The following CARMIL1 variants were observed in gnomAD, a reference collection of about 807,000 sequenced individuals.
CARMIL1 encodes capping protein regulator and myosin 1 linker 1.
CARMIL1 carries 90 observed loss-of-function variants against 177.1 expected under a neutral mutation model. That is an observed-to-expected ratio of 0.51 (90% confidence interval 0.43 to 0.61). The LOEUF is 0.61. Ranked by LOEUF, CARMIL1 falls within the 20% of genes least tolerant of loss-of-function variation. The probability of loss-of-function intolerance (pLI) is 0.00; values close to 1 mark genes in which losing one functional copy is unlikely to be tolerated. For synonymous variants in CARMIL1, 577 were observed against 606.2 expected, an observed-to-expected ratio of 0.95 and a Z score of 0.71; for missense variants, 1,380 against 1,667.0, an observed-to-expected ratio of 0.83 and a Z score of 3.00.
chr6:25,600,288 G>T (rs763426572), intron 32 of CARMIL1, 26 bp from the exon 33 acceptor site: 3 of 1,578,412 alleles, frequency 1.9e-6, no homozygotes, highest in Non-Finnish European at 2.6e-6. Context: ...AAAAACAACA[G>T]ATCTGTGTCT....
intron 2 of CARMIL1, among the ~76,000 whole-genome samples, chr6:25,376,817 A>G (rs1167603853): frequency 6.6e-6 from 1 of 152,208 alleles, no homozygotes; most frequent in Admixed American, 6.5e-5. Context: ...GGTAAATGCA[A>G]TACTCAGTGG....
At chr6:25,378,902 AC>A (rs1312525528) in intron 2 of CARMIL1, among the ~76,000 whole-genome samples, 2 of 151,208 alleles carry the variant, frequency 1.3e-5, no homozygotes, top group East Asian at 3.9e-4. Flanking sequence ...AAAAAAAAAA[AC>A]AGGTGTTATT....
chr6:25,308,564 A>G (rs1051625607), intron 2 of CARMIL1, among the ~76,000 whole-genome samples: 3 of 151,660 alleles, frequency 2.0e-5, no homozygotes, highest in Admixed American at 6.6e-5. Flanking sequence ...TGTATTTTTC[A>G]TAGAGATGGG....
intron 5 of CARMIL1, among the ~76,000 whole-genome samples, chr6:25,439,253 C>A (rs958605556): frequency 6.6e-6 from 1 of 152,180 alleles, no homozygotes; most frequent in African/African-American, 2.4e-5. Flanking sequence ...CTAGGACCTA[C>A]AAGACCTCCA....
At chr6:25,617,885 A>T (rs942027987) in intron 36 of CARMIL1, among the ~76,000 whole-genome samples, 2 of 152,220 alleles carry the variant, frequency 1.3e-5, no homozygotes, top group Non-Finnish European at 2.9e-5. Context: ...AGTTTGGGTG[A>T]CAGAGCAAGA....
intron 33 of CARMIL1, among the ~76,000 whole-genome samples, chr6:25,604,117 G>A (rs1196786026): frequency 1.3e-5 from 2 of 152,102 alleles, no homozygotes; most frequent in African/African-American, 4.8e-5. Flanking sequence ...TGTCACCCAG[G>A]CTGGAGTGCA....
At chr6:25,315,926 T>C (rs1215757162) in intron 2 of CARMIL1, among the ~76,000 whole-genome samples, 2 of 152,214 alleles carry the variant, frequency 1.3e-5, no homozygotes, top group African/African-American at 2.4e-5. Flanking sequence ...AACCAGGTCC[T>C]GTAGTCTAAC....
chr6:25,569,438 A>G (rs1476630778), intron 29 of CARMIL1, among the ~76,000 whole-genome samples: 1 of 152,206 alleles, frequency 6.6e-6, no homozygotes, highest in East Asian at 1.9e-4. Flanking sequence ...GTTAAAAAGT[A>G]TAGGAACCAT....
chr6:25,333,895 A>T (rs1348522130), intron 2 of CARMIL1, among the ~76,000 whole-genome samples: 3 of 152,184 alleles, frequency 2.0e-5, no homozygotes, highest in Non-Finnish European at 4.4e-5. Flanking sequence ...TTAGTACCAG[A>T]TATTATCTAT....
intron 12 of CARMIL1, among the ~76,000 whole-genome samples, chr6:25,485,006 G>C (rs1382355213): frequency 6.6e-5 from 10 of 152,142 alleles, no homozygotes. Context: ...CTGCACTCCA[G>C]CCTGGGTGAC....
At chr6:25,346,127 T>G (rs569986553) in intron 2 of CARMIL1, among the ~76,000 whole-genome samples, 22 of 151,746 alleles carry the variant, frequency 1.4e-4, no homozygotes, top group African/African-American at 5.3e-4. Context: ...TTATCAGCTG[T>G]GTGCAGATTA....
intron 1 of CARMIL1, 92 bp downstream of exon 1, chr6:25,279,927 A>G: frequency 6.7e-7 from 1 of 1,482,606 alleles, no homozygotes; most frequent in Non-Finnish European, 9.4e-7. Flanking sequence ...GCAGGTCTCG[A>G]GAAGTCTTGG....
At position 25,471,052 on chromosome 6, in the gene CARMIL1, G is replaced by C. The variant is rs1360123857; in HGVS notation, c.691-117G>C. 1.2e-5 allele frequency: 7 copies of C among 588,088 alleles called. No homozygotes were observed. The East Asian group carries it at 2.1e-4, about 18-fold the overall frequency. 36.4% of individuals were successfully genotyped at this position (588,088 alleles called of 1,614,324 possible). A position where few individuals can be genotyped will look rare whatever the true frequency, so the allele number is the denominator to read the frequency against. On this transcript the variant is annotated intron_variant, in intron 9 of 36. Transcript: ENST00000329474. ...GCGTAGTAGTAGATGCTCATTCAAG[G>C]TTTATTGAATGAGTGAATGTTTTAC...
intron 29 of CARMIL1, among the ~76,000 whole-genome samples, chr6:25,578,154 A>ATGGACACTT (rs1355926203): frequency 1.3e-5 from 2 of 152,112 alleles, no homozygotes; most frequent in African/African-American, 4.8e-5. Context: ...CCTTCATCTG[A>ATGGACACTT]TGGACACTTT....
intron 2 of CARMIL1, among the ~76,000 whole-genome samples, chr6:25,362,886 T>C (rs1030667303): frequency 1.3e-5 from 2 of 151,736 alleles, no homozygotes; most frequent in Non-Finnish European, 2.9e-5. Context: ...AATAGAAAAA[T>C]TAGCTGGGCA....
rs553771715 is a variant in CARMIL1 at position 25,619,475 on chromosome 6, C to T, written c.4008C>T (p.Ala1336=). The change falls in exon 37 of 37, where the codon GCC becomes GCT. Residue 1336 remains alanine, a synonymous_variant. Transcript: ENST00000329474. Reference sequence around the variant, plus strand: ...CAAGGAGAAGCTGGGGCCAGCAGGCCCAGGAGTATCAAGAACAAAAGCAAC... The same window carrying T: ...CAAGGAGAAGCTGGGGCCAGCAGGCTCAGGAGTATCAAGAACAAAAGCAAC... ...EVSRRSWGQQ[A]QEYQEQKQRS... The T allele has an allele frequency of 4.5e-5, 73 of 1,613,440 alleles. No homozygotes were observed. Among genetic ancestry groups the T allele is most frequent in the Admixed American group, 1.5e-4 (9 of 59,960 alleles).
intron 2 of CARMIL1, among the ~76,000 whole-genome samples, chr6:25,407,869 A>G (rs1794525065): frequency 6.6e-6 from 1 of 152,184 alleles, no homozygotes; most frequent in Non-Finnish European, 1.5e-5. Flanking sequence ...TGCTTCTCCA[A>G]CTGTAATGCT....
At chr6:25,607,952 G>A (rs1412158850) in intron 35 of CARMIL1, among the ~76,000 whole-genome samples, 1 of 152,074 alleles carries the variant, frequency 6.6e-6, no homozygotes, top group African/African-American at 2.4e-5. Context: ...TTTATGATGG[G>A]GAACACAAAA....
Position 25,416,186 on chromosome 6 carries a change from T to TC in CARMIL1, c.139-3927dup, listed in dbSNP as rs532992757. Among the ~76,000 whole-genome samples, 316 of 152,208 alleles carry TC rather than the reference T, an allele frequency of 2.1e-3. 2 individuals carry two copies. The highest frequency in any genetic ancestry group is 7.4e-3 in the African/African-American group (309 of 41,512). The stretch of plus-strand genomic sequence containing the variant: ...CTTTTCCTTATGATATCCAAACATC[T>TC]CTCATTGTACTGCTGGTCATTTTAC... On this transcript the variant is annotated intron_variant, in intron 2 of 36. Transcript: ENST00000329474.
Sources: allele counts gnomAD v4.1 joint callset (sites outside exome capture counted in the v4.1 genomes callset), GRCh38; gene constraint gnomAD v4.1.1; transcripts MANE v1.5; gene names NCBI Gene and HGNC (gene_info 2026-07-23, HGNC 2026-07-21).